KANSL1: variants seen among roughly 807,000 people sequenced by gnomAD.
KANSL1 encodes MLL1/MLL complex subunit KANSL1.
In KANSL1, 22 loss-of-function variants were observed where a neutral mutation model predicts 103.6. The observed-to-expected ratio is 0.21, with a 90% CI of 0.15 to 0.30. The LOEUF is 0.30. Among genes scored for constraint, KANSL1 ranks in the 10% least tolerant of loss-of-function variants. The pLI, the probability that KANSL1 is intolerant of heterozygous loss-of-function variation, is 1.00. For missense variants in KANSL1, 1,337 were observed against 1,399.8 expected, an observed-to-expected ratio of 0.96 and a Z score of 0.72; for synonymous variants, 600 against 527.6, an observed-to-expected ratio of 1.14 and a Z score of -1.88.
chr17:46,119,793 T>C (rs973129853), intron 2 of KANSL1, among the ~76,000 whole-genome samples: 3 of 152,244 alleles, frequency 2.0e-5, no homozygotes, highest in African/African-American at 7.2e-5. Flanking sequence ...ATTTCACATC[T>C]GTCTTTTTCT....
At chr17:46,153,898 T>C (rs1346228065) in intron 2 of KANSL1, among the ~76,000 whole-genome samples, 1 of 152,190 alleles carries the variant, frequency 6.6e-6, no homozygotes, top group African/African-American at 2.4e-5. Context: ...ACAGACTATT[T>C]CATGAACACC....
chr17:46,099,116 G>A (rs2042201236), intron 2 of KANSL1, among the ~76,000 whole-genome samples: 1 of 115,530 alleles, frequency 8.7e-6, no homozygotes, highest in South Asian at 2.4e-4. Flanking sequence ...GAGGTCAGGA[G>A]ATCGAGACCA....
At chr17:46,071,088 T>C (rs561348279) in intron 4 of KANSL1, among the ~76,000 whole-genome samples, 2 of 152,358 alleles carry the variant, frequency 1.3e-5, no homozygotes, top group South Asian at 4.1e-4. Context: ...TGCAGGTGTA[T>C]ATATTTAAAT....
rs2076964809 is a variant in KANSL1, at chr17:46,030,135, TTTTTTG to T, written c.*1335_*1340del. 2 of 148,428 alleles carry T rather than the reference TTTTTTG, an allele frequency of 1.3e-5. No homozygotes were observed. Among genetic ancestry groups the T allele is most frequent in the Admixed American group, 6.8e-5 (1 of 14,648 alleles). 9.2% of individuals were successfully genotyped at this position (148,428 alleles called of 1,614,324 possible). A position where few individuals can be genotyped will look rare whatever the true frequency, so the allele number is the denominator to read the frequency against. ...CAAAATACAAGGTTTTTTTTTTCCATTTTTTGTTTTTGTTTTTTTTTTCAATGCTAA... is the reference window on the plus strand; with the variant it reads ...CAAAATACAAGGTTTTTTTTTTCCATTTTTTGTTTTTTTTTTCAATGCTAA... On this transcript the variant is annotated 3_prime_UTR_variant, in exon 15 of 15. Coordinates refer to ENST00000432791, the MANE Select transcript of KANSL1 (RefSeq NM_015443.4).
chr17:46,214,045 T>A (rs558880397), intron 1 of KANSL1, among the ~76,000 whole-genome samples: 1 of 152,348 alleles, frequency 6.6e-6, no homozygotes, highest in South Asian at 2.1e-4. Context: ...ATACTTTAAC[T>A]ATGTGAAAAC....
chr17:46,190,837 T>G (rs2047279737), intron 1 of KANSL1, among the ~76,000 whole-genome samples: 3 of 152,378 alleles, frequency 2.0e-5, no homozygotes, highest in Non-Finnish European at 2.9e-5. Flanking sequence ...AAGGTAGTTA[T>G]TCCACATTTA....
intron 1 of KANSL1, among the ~76,000 whole-genome samples, chr17:46,173,957 C>T (rs970771470): frequency 8.5e-5 from 13 of 152,332 alleles, no homozygotes; most frequent in Non-Finnish European, 1.6e-4. Context: ...TCATGGAACA[C>T]GATTTTTACT....
intron 2 of KANSL1, among the ~76,000 whole-genome samples, chr17:46,164,530 C>T (rs2045902314): frequency 6.6e-6 from 1 of 152,236 alleles, no homozygotes; most frequent in Non-Finnish European, 1.5e-5. Context: ...AAATTATTCC[C>T]ACATTTCTAT....
chr17:46,138,182 T>C (rs1274220446), intron 2 of KANSL1, among the ~76,000 whole-genome samples: 1 of 152,242 alleles, frequency 6.6e-6, no homozygotes, highest in Non-Finnish European at 1.5e-5. Flanking sequence ...GGAAACTTTC[T>C]GAGTGTCAAC....
At chr17:46,129,418 A>T (rs988093616) in intron 2 of KANSL1, among the ~76,000 whole-genome samples, 5 of 152,242 alleles carry the variant, frequency 3.3e-5, no homozygotes, top group Non-Finnish European at 7.3e-5. Flanking sequence ...TATATATATA[A>T]AAAAACTGCT....
intron 3 of KANSL1, chr17:46,093,724 T>C (rs1334876028): frequency 2.0e-5 from 3 of 152,334 alleles, no homozygotes; most frequent in Middle Eastern, 3.2e-3. Flanking sequence ...AAAAGGCATT[T>C]TGACCCTTAT....
intron 12 of KANSL1, 80 bp from the exon 13 acceptor site, chr17:46,033,272 G>A (rs994598364): frequency 2.2e-5 from 31 of 1,425,474 alleles, no homozygotes; most frequent in East Asian, 2.1e-4. Context: ...GGTTCTTCCC[G>A]GTCACGACAG....
intron 2 of KANSL1, among the ~76,000 whole-genome samples, chr17:46,123,980 G>C (rs2043399626): frequency 6.7e-6 from 1 of 148,332 alleles, no homozygotes; most frequent in African/African-American, 2.4e-5. Flanking sequence ...TCTTCAAAGA[G>C]AGGAGAATGC....
chr17:46,091,812 A>AGTAT (rs149207902), intron 3 of KANSL1, among the ~76,000 whole-genome samples: 12,462 of 151,240 alleles, frequency 0.082, 318 homozygotes, highest in Non-Finnish European at 0.12. Context: ...TATATATGTA[A>AGTAT]GTATGTATGT....
At chr17:46,135,806 T>C (rs2044111499) in intron 2 of KANSL1, among the ~76,000 whole-genome samples, 1 of 150,984 alleles carries the variant, frequency 6.6e-6, no homozygotes, top group Non-Finnish European at 1.5e-5. Flanking sequence ...TGCTGGATTA[T>C]AGGTGTGAGC....
At chr17:46,196,250 TA>T, upstream of KANSL1, 1 of 444,768 alleles carries the variant, frequency 2.2e-6, no homozygotes, top group Admixed American at 2.5e-5. Flanking sequence ...TGAAAAGTGA[TA>T]AAAAAATAAA....
chr17:46,188,536 TGCACTGACACA>T (rs2047140912), intron 1 of KANSL1, among the ~76,000 whole-genome samples: 1 of 152,236 alleles, frequency 6.6e-6, no homozygotes. Context: ...AAGTGTTCTT[TGCACTGACACA>T]GTAGGCAAGC....
intron 2 of KANSL1, among the ~76,000 whole-genome samples, chr17:46,109,641 A>C (rs1301924999): frequency 6.6e-6 from 1 of 152,228 alleles, no homozygotes; most frequent in Non-Finnish European, 1.5e-5. Flanking sequence ...CATTTTTACC[A>C]TCCTAAAAAT....
intron 3 of KANSL1, among the ~76,000 whole-genome samples, chr17:46,089,980 T>A (rs1436722706): frequency 6.6e-6 from 1 of 152,246 alleles, no homozygotes; most frequent in Non-Finnish European, 1.5e-5. Flanking sequence ...TCCAAATTTA[T>A]GTTCACCCAG....
Sources: gnomAD v4.1 joint callset for allele counts (sites outside exome capture counted in the v4.1 genomes callset) on GRCh38, gnomAD v4.1.1 for gene constraint, MANE v1.5 for transcripts, NCBI Gene and HGNC (gene_info 2026-07-23, HGNC 2026-07-21) for gene names.